ESR1: variants seen among roughly 807,000 people sequenced by gnomAD.
ESR1 encodes the protein estrogen receptor.
A neutral mutation model predicts 52.7 loss-of-function variants in ESR1; 12 were observed. The ratio of observed to expected loss-of-function variants is 0.23; its 90% CI spans 0.15 to 0.37. The LOEUF is 0.37. Among genes scored for constraint, ESR1 ranks in the 10% least tolerant of loss-of-function variants. The probability of loss-of-function intolerance (pLI) is 1.00; values close to 1 mark genes in which losing one functional copy is unlikely to be tolerated. For synonymous variants in ESR1, 305 were observed against 316.8 expected, an observed-to-expected ratio of 0.96 and a Z score of 0.39; for missense variants, 584 against 779.7, an observed-to-expected ratio of 0.75 and a Z score of 2.99.
At chr6:151,725,059 A>T (rs1439456899) in intron 2 of ESR1, among the ~76,000 whole-genome samples, 1 of 152,182 alleles carries the variant, frequency 6.6e-6, no homozygotes, top group Non-Finnish European at 1.5e-5. Context: ...AGTCAGAGTC[A>T]AGTATTTAAA....
At chr6:151,715,402 G>T (rs1161203708) in intron 2 of ESR1, among the ~76,000 whole-genome samples, 1 of 152,200 alleles carries the variant, frequency 6.6e-6, no homozygotes, top group Admixed American at 6.5e-5. Context: ...GGTTGGGGAA[G>T]TTCTCCTGGA....
chr6:152,046,464 G>C (rs1434589849), intron 5 of ESR1, among the ~76,000 whole-genome samples: 1 of 152,172 alleles, frequency 6.6e-6, no homozygotes, highest in Non-Finnish European at 1.5e-5. Flanking sequence ...TTATATGCAA[G>C]AGCTTCAAGA....
intron 2 of ESR1, among the ~76,000 whole-genome samples, chr6:151,860,583 A>G (rs1488025770): frequency 6.6e-6 from 1 of 152,230 alleles, no homozygotes; most frequent in Non-Finnish European, 1.5e-5. Context: ...GCACACATAC[A>G]CAATGGGATA....
Position 151,807,778 on chromosome 6 carries a change from G to A in ESR1, c.-135G>A. On this transcript the variant is annotated 5_prime_UTR_variant, in exon 1 of 8. Transcript: ENST00000206249. Reference sequence around the variant, plus strand: ...GGCTCCCGGGGCAGGGCCGGGGCCAGAGCTCGCGTGTCGGCGGGACATGCG... The same window carrying A: ...GGCTCCCGGGGCAGGGCCGGGGCCAAAGCTCGCGTGTCGGCGGGACATGCG... The A allele has an allele frequency of 1.1e-6, 1 of 879,194 alleles. No homozygotes were observed. Among genetic ancestry groups the A allele is most frequent in the Admixed American group, 2.0e-5 (1 of 49,934 alleles). 54.5% of individuals were successfully genotyped at this position (879,194 alleles called of 1,614,324 possible).
chr6:151,776,443 G>C (rs1373461706), intron 2 of ESR1, among the ~76,000 whole-genome samples: 2 of 152,238 alleles, frequency 1.3e-5, no homozygotes, highest in Non-Finnish European at 2.9e-5. Flanking sequence ...GCTCAAGCCA[G>C]TTATGGAGCT....
At chr6:151,697,411 A>G (rs1470831161) in intron 1 of ESR1, among the ~76,000 whole-genome samples, 4 of 152,372 alleles carry the variant, frequency 2.6e-5, no homozygotes, top group East Asian at 3.9e-4. Flanking sequence ...TCCTAACTGT[A>G]AAATGGGCAT....
intron 6 of ESR1, among the ~76,000 whole-genome samples, chr6:152,123,988 AC>A (rs2052414453): frequency 6.6e-6 from 1 of 152,226 alleles, no homozygotes; most frequent in Non-Finnish European, 1.5e-5. Context: ...TTAGAAGGGA[AC>A]AGAGGGAGTA....
chr6:151,678,565 G>A (rs779431741), intron 1 of ESR1, among the ~76,000 whole-genome samples: 4 of 152,102 alleles, frequency 2.6e-5, no homozygotes, highest in South Asian at 2.1e-4. Context: ...TAAAGTCTCC[G>A]TAGCTGCAAA....
At chr6:151,881,752 G>A (rs1259211308) in intron 3 of ESR1, among the ~76,000 whole-genome samples, 7 of 152,064 alleles carry the variant, frequency 4.6e-5, no homozygotes, top group Non-Finnish European at 5.9e-5. Context: ...GTATGGTGGC[G>A]AGTGCCAGTA....
chr6:151,853,559 C>T (rs774867400), intron 2 of ESR1, among the ~76,000 whole-genome samples: 4 of 152,136 alleles, frequency 2.6e-5, no homozygotes, highest in Non-Finnish European at 5.9e-5. Context: ...ATAATTAAGA[C>T]AAAAATGCCT....
At chr6:151,882,621 C>T (rs751347266) in intron 3 of ESR1, among the ~76,000 whole-genome samples, 4 of 152,022 alleles carry the variant, frequency 2.6e-5, no homozygotes, top group South Asian at 2.1e-4. Flanking sequence ...TCTTCTTTGG[C>T]GATTATATGT....
intron 3 of ESR1, among the ~76,000 whole-genome samples, chr6:151,906,194 G>A (rs1797425208): frequency 6.6e-6 from 1 of 152,138 alleles, no homozygotes; most frequent in South Asian, 2.1e-4. Context: ...TAGTAGGACA[G>A]GTAGAGAAGG....
At chr6:151,673,467 C>T (rs1204765722) in intron 1 of ESR1, among the ~76,000 whole-genome samples, 6 of 152,136 alleles carry the variant, frequency 3.9e-5, no homozygotes, top group Admixed American at 1.3e-4. Flanking sequence ...TTGGTATTAA[C>T]GTGACTCTTT....
At chr6:151,962,718 C>T (rs933169765) in intron 4 of ESR1, among the ~76,000 whole-genome samples, 9 of 152,280 alleles carry the variant, frequency 5.9e-5, no homozygotes, top group Non-Finnish European at 1.0e-4. Context: ...CATGTGCTTG[C>T]TCTTTTTCAT....
At chr6:152,023,446 G>C (rs1032481393) in intron 5 of ESR1, among the ~76,000 whole-genome samples, 1 of 151,758 alleles carries the variant, frequency 6.6e-6, no homozygotes, top group East Asian at 1.9e-4. Context: ...CTTTTTCTTT[G>C]TTTATTTTTG....
chr6:151,921,590 G>A (rs891625019), intron 3 of ESR1, among the ~76,000 whole-genome samples: 6 of 151,858 alleles, frequency 4.0e-5, no homozygotes, highest in Non-Finnish European at 5.9e-5. Context: ...TTGCAACCTC[G>A]CCAGCATCTG....
At position 152,098,559 on chromosome 6, in the gene ESR1, C is replaced by A. The variant is rs1050610189; in HGVS notation, c.1554-173C>A. Among the ~76,000 whole-genome samples the A allele has an allele frequency of 3.3e-5, 5 of 152,060 alleles. No individual in the cohort carries two copies. Among genetic ancestry groups the A allele is most frequent in the African/African-American group, 1.2e-4 (5 of 41,408 alleles). ...GGCCATGAGTTCCAGATTAGGGCTT[C>A]TGAAAGCCCTCAGCTTTCCCAGCTC... On this transcript the variant is annotated intron_variant, in intron 7 of 7. Transcript: ENST00000206249. The surrounding 1 kb of genome is among the most constrained non-coding windows in gnomAD (Gnocchi z 5.1).
At chr6:151,870,734 C>T (rs1359955430) in intron 2 of ESR1, among the ~76,000 whole-genome samples, 2 of 152,226 alleles carry the variant, frequency 1.3e-5, no homozygotes, top group Non-Finnish European at 2.9e-5. Flanking sequence ...GTGGGTTCTG[C>T]TGCTACCCAG....
intron 2 of ESR1, among the ~76,000 whole-genome samples, chr6:151,722,846 A>G (rs1396934300): frequency 2.0e-5 from 3 of 152,244 alleles, no homozygotes; most frequent in Non-Finnish European, 4.4e-5. Flanking sequence ...GCAATGTACA[A>G]TACCTGAAAG....
Sources: allele counts gnomAD v4.1 joint callset (sites outside exome capture counted in the v4.1 genomes callset), GRCh38; gene constraint gnomAD v4.1.1; non-coding constraint Gnocchi (gnomAD v3.1); transcripts MANE v1.5; gene names NCBI Gene and HGNC (gene_info 2026-07-23, HGNC 2026-07-21).